The following PARP10 variants were observed in gnomAD, a reference collection of about 807,000 sequenced individuals.
PARP10 encodes the protein poly(ADP-ribose) polymerase family member 10.
PARP10 carries 56 observed loss-of-function variants against 82.4 expected under a neutral mutation model. The ratio of observed to expected loss-of-function variants is 0.68; its 90% CI spans 0.55 to 0.85. The LOEUF (loss-of-function observed/expected upper bound fraction) is 0.85, where lower values mean the gene tolerates loss of function less well. PARP10 is among the 40% of genes least tolerant of loss of function. The pLI, the probability that PARP10 is intolerant of heterozygous loss-of-function variation, is 0.00. For synonymous variants in PARP10, 576 were observed against 601.1 expected, an observed-to-expected ratio of 0.96 and a Z score of 0.61; for missense variants, 1,227 against 1,379.4, an observed-to-expected ratio of 0.89 and a Z score of 1.75.
At chr8:143,991,499 C>T (rs1554750469), upstream of PARP10, 3 of 1,533,188 alleles carry the variant, frequency 2.0e-6, no homozygotes, top group African/African-American at 1.4e-5. Flanking sequence ...ACCCACAGGG[C>T]CCCTACCCCC....
intron 1 of PARP10, among the ~76,000 whole-genome samples, chr8:144,001,091 T>G (rs1834199360): frequency 6.6e-6 from 1 of 151,904 alleles, no homozygotes; most frequent in African/African-American, 2.4e-5. Flanking sequence ...TTTTTTTGTA[T>G]TTTTAGTAGA....
rs781920874 is a variant in PARP10, at chr8:144,008,602, C to A, written c.-80+3928G>T. ...CCCCAGGAGGTTCCTGTCACTCCTG[C>A]GGGCCCAGCCTCCCTGCAGCCAGGA... On this transcript the variant is annotated intron_variant, in intron 1 of 3. Transcript: ENST00000530478. This position sits in a 1 kb window ranked among gnomAD's most constrained non-coding sequence, Gnocchi z 4.0. Among the ~76,000 whole-genome samples, 4 of 152,206 alleles carry A rather than the reference C, an allele frequency of 2.6e-5. No homozygotes were observed. Among genetic ancestry groups the A allele is most frequent in the Non-Finnish European group, 4.4e-5 (3 of 68,042 alleles).
chr8:143,978,637 G>C (rs1833775115), intron 9 of PARP10, among the ~76,000 whole-genome samples: 1 of 152,238 alleles, frequency 6.6e-6, no homozygotes, highest in Non-Finnish European at 1.5e-5. Flanking sequence ...GCTAAATCTA[G>C]AGGGGGTGAG....
upstream of PARP10, chr8:143,992,667 A>G (rs541160194): frequency 3.7e-6 from 6 of 1,613,896 alleles, no homozygotes; most frequent in East Asian, 6.7e-5. Flanking sequence ...CTTGTCCCTC[A>G]ACACCACTGT....
intron 1 of PARP10, among the ~76,000 whole-genome samples, chr8:143,998,019 C>G (rs1554751420): frequency 2.0e-5 from 3 of 152,182 alleles, no homozygotes; most frequent in Admixed American, 6.5e-5. Flanking sequence ...TCTCAAACTC[C>G]TGGGTTCAAG....
chr8:143,993,899 C>G (rs1834139754), upstream of PARP10, among the ~76,000 whole-genome samples: 1 of 152,230 alleles, frequency 6.6e-6, no homozygotes, highest in Non-Finnish European at 1.5e-5. Context: ...CGTCCAAGAG[C>G]TGGACAGAGA....
At chr8:144,004,258 G>GA (rs1289836502) in intron 1 of PARP10, among the ~76,000 whole-genome samples, 1 of 150,916 alleles carries the variant, frequency 6.6e-6, no homozygotes, top group Admixed American at 6.6e-5. Flanking sequence ...CCCTGTCTCA[G>GA]AAAAAAAAAG....
At chr8:144,010,050 C>T (rs1016734472) in intron 1 of PARP10, among the ~76,000 whole-genome samples, 1 of 152,150 alleles carries the variant, frequency 6.6e-6, no homozygotes, top group Non-Finnish European at 1.5e-5. Flanking sequence ...CAACCTGGGC[C>T]CTCCATCCCT....
chr8:143,986,965 T>C (rs184568169), upstream of PARP10: 177 of 158,208 alleles, frequency 1.1e-3, no homozygotes, highest in Middle Eastern at 6.3e-3. Context: ...TCCAAGAATG[T>C]GCATTGCAGC....
At chr8:143,994,961 G>GA (rs201669302), upstream of PARP10, among the ~76,000 whole-genome samples, 982 of 152,182 alleles carry the variant, frequency 6.5e-3, 14 homozygotes, top group African/African-American at 0.023. Flanking sequence ...GCGGGGGCAG[G>GA]GGTGGTCTCG....
In PARP10 at chr8:144,011,787, G is replaced by C; in HGVS notation, c.-80+743C>G. On this transcript the variant is annotated intron_variant, in intron 1 of 3. Transcript: ENST00000530478. The surrounding 1 kb of genome is among the most constrained non-coding windows in gnomAD (Gnocchi z 4.5). ...CGACGGGAGATTTGGAATAGGGAAC[G>C]CTGAGTCACCAGAAATGGAAACTCC... Among the ~76,000 whole-genome samples, 1 of 152,206 alleles carries C rather than the reference G, an allele frequency of 6.6e-6. No homozygotes were observed. The highest frequency in any genetic ancestry group is 1.9e-4 in the East Asian group (1 of 5,178).
chr8:143,977,549 C>A lies in PARP10; in HGVS notation c.3013G>T (p.Glu1005Ter). The A allele has an allele frequency of 6.4e-7, 1 of 1,567,156 alleles. No individual in the cohort carries two copies. Among genetic ancestry groups the A allele is most frequent in the Non-Finnish European group, 8.6e-7 (1 of 1,156,376 alleles). Residue 1005 changes from glutamate to a stop codon, truncating the protein, a stop_gained, in exon 11 of 11, where the codon GAG becomes TAG. Transcript: ENST00000313028. LOFTEE classifies it low-confidence loss of function (END_TRUNC). Reference sequence around the variant, plus strand: ...TCGGGGGAAGCGCGGGGCACGTGCTCGCAGGTGATGAGGTGGGTGGGCAGC... The same window carrying A: ...TCGGGGGAAGCGCGGGGCACGTGCTAGCAGGTGATGAGGTGGGTGGGCAGC... Reference protein sequence around the residue: ...QALPTHLITCEHVPRASPDDP... With the variant: ...QALPTHLITC
intron 1 of PARP10, among the ~76,000 whole-genome samples, chr8:144,009,482 G>A (rs986314148): frequency 3.5e-4 from 53 of 152,064 alleles, no homozygotes; most frequent in African/African-American, 1.1e-3. Context: ...AGGCACAGTG[G>A]GCTGAAGGCT....
chr8:143,982,850 G>C, intron 9 of PARP10, 82 bp downstream of exon 9: 2 of 1,564,066 alleles, frequency 1.3e-6, no homozygotes, highest in African/African-American at 2.7e-5. Context: ...AGGCGAGAGG[G>C]ACAGGCCACA....
At chr8:144,012,747 G>C (rs1554752647) in exon 1 of PARP10, 14 of 1,551,130 alleles carry the variant, frequency 9.0e-6, no homozygotes, top group Non-Finnish European at 1.0e-5. Context: ...TCGCTCCCAA[G>C]AGAGTGAGGA....
upstream of PARP10, among the ~76,000 whole-genome samples, chr8:143,995,392 G>A (rs1834157512): frequency 6.6e-6 from 1 of 152,200 alleles, no homozygotes; most frequent in Non-Finnish European, 1.5e-5. Context: ...AGCCAGGCTG[G>A]GCACAGCCGA....
At chr8:143,992,225 C>T (rs781791096), upstream of PARP10, 4 of 1,603,510 alleles carry the variant, frequency 2.5e-6, no homozygotes, top group Admixed American at 1.7e-5. Context: ...CCAAGGTCAG[C>T]CTGTGTCTCC....
At chr8:143,993,027 C>G (rs1403985359), upstream of PARP10, 2 of 598,626 alleles carry the variant, frequency 3.3e-6, no homozygotes, top group Admixed American at 3.1e-5. Flanking sequence ...GCTGTGGCCA[C>G]AGCATGGCCC....
At position 143,977,371 on chromosome 8, in the gene PARP10, A is replaced by C; in HGVS notation, c.*113T>G. 9.6e-7 allele frequency: 1 copy of C among 1,042,076 alleles called. No individual in the cohort carries two copies. The highest frequency in any genetic ancestry group is 1.4e-6 in the Non-Finnish European group (1 of 740,708). The allele number at this position is 1,042,076 out of a possible 1,614,324, so 64.6% of individuals were successfully genotyped here. The stretch of plus-strand genomic sequence containing the variant: ...ACCGCCTTCTGGAGCCCGCAGAGGG[A>C]GGCAGGGGCGTCCCCGGGGACAGCT... On this transcript the variant is annotated 3_prime_UTR_variant, in exon 11 of 11. Transcript: ENST00000313028.
Sources: allele counts gnomAD v4.1 joint callset (sites outside exome capture counted in the v4.1 genomes callset), GRCh38; gene constraint gnomAD v4.1.1; non-coding constraint Gnocchi (gnomAD v3.1); transcripts MANE v1.5; gene names NCBI Gene and HGNC (gene_info 2026-07-23, HGNC 2026-07-21).